HIVEP3: variants seen among roughly 807,000 people sequenced by gnomAD.
HIVEP3 encodes transcription factor HIVEP3.
In HIVEP3, 49 loss-of-function variants were observed where a neutral mutation model predicts 152.8. The ratio of observed to expected loss-of-function variants is 0.32; its 90% CI spans 0.26 to 0.41. The LOEUF is 0.41. Ranked by LOEUF, HIVEP3 falls within the 10% of genes least tolerant of loss-of-function variation. HIVEP3 has a pLI of 1.00. For missense variants in HIVEP3, 2,790 were observed against 3,103.3 expected (o/e 0.90, Z 2.40); for synonymous variants, 1,269 against 1,289.0 (o/e 0.98, Z 0.33).
intron 1 of HIVEP3, among the ~76,000 whole-genome samples, chr1:41,875,996 A>G (rs975864967): frequency 1.5e-4 from 23 of 152,180 alleles, no homozygotes; most frequent in African/African-American, 5.6e-4. Flanking sequence ...TACTCTAGTC[A>G]CATCTACAAA....
At chr1:41,880,177 A>C (rs1002261623) in intron 1 of HIVEP3, among the ~76,000 whole-genome samples, 1 of 152,100 alleles carries the variant, frequency 6.6e-6, no homozygotes, top group Non-Finnish European at 1.5e-5. Flanking sequence ...CTCCTACCTC[A>C]GCCTCTTGAG....
At chr1:41,777,768 G>T (rs1405785085) in intron 1 of HIVEP3, among the ~76,000 whole-genome samples, 5 of 152,228 alleles carry the variant, frequency 3.3e-5, no homozygotes, top group Non-Finnish European at 7.3e-5. Flanking sequence ...TTAGTATCAG[G>T]CGCTTTCCTA....
chr1:41,510,649 G>T lies in HIVEP3; in HGVS notation c.7023C>A (p.Pro2341=). ...RLESPRAPTN[P]EPSATPPLDR... ...CCAGCGGCGGGGTGGCAGAAGGCTC[G>T]GGGTTGGTCGGTGCACGCGGGGACT... The change falls in exon 9 of 9, where the codon CCC becomes CCA. Residue 2341 remains proline (P), a synonymous_variant. Transcript: ENST00000372583. 6.5e-7 allele frequency: 1 copy of T among 1,537,608 alleles called. No homozygotes were observed. The highest frequency in any genetic ancestry group is 8.8e-7 in the Non-Finnish European group (1 of 1,140,236).
intron 3 of HIVEP3, among the ~76,000 whole-genome samples, chr1:41,604,527 T>C (rs1644790581): frequency 6.6e-6 from 1 of 152,126 alleles, no homozygotes; most frequent in Non-Finnish European, 1.5e-5. Context: ...TCCTCCCTAG[T>C]GAATGGGATT....
At chr1:41,867,553 C>G (rs985739208) in intron 1 of HIVEP3, among the ~76,000 whole-genome samples, 1 of 152,138 alleles carries the variant, frequency 6.6e-6, no homozygotes, top group African/African-American at 2.4e-5. Flanking sequence ...TGTACTAGGC[C>G]GCAGGATGGC....
chr1:41,725,110 C>A (rs1463411777), intron 1 of HIVEP3, among the ~76,000 whole-genome samples: 1 of 152,248 alleles, frequency 6.6e-6, no homozygotes, highest in Non-Finnish European at 1.5e-5. Flanking sequence ...ATGAGAAAGG[C>A]AGAATTGAAA....
Position 41,824,417 on chromosome 1 carries a change from AGT to A in HIVEP3, c.-801+93994_-801+93995del, listed in dbSNP as rs531581365. ...TTGCAATTTAATAATAACCTAGTCT[AGT>A]CAGAAAGGTAATGCCTCCTTTTCAG... On this transcript the variant is annotated intron_variant, in intron 1 of 8. Transcript: ENST00000372583. 4.9e-4 allele frequency among the ~76,000 whole-genome samples: 74 copies of A among 152,244 alleles called. No individual in the cohort carries two copies. In the South Asian group the frequency reaches 0.015, roughly 30 times the overall value.
intron 2 of HIVEP3, among the ~76,000 whole-genome samples, chr1:41,644,990 G>A (rs984768609): frequency 2.0e-5 from 3 of 152,052 alleles, no homozygotes; most frequent in Admixed American, 2.0e-4. Context: ...CTGACGCATG[G>A]GTACCCAAAG....
At chr1:41,548,143 T>A (rs1297709920) in intron 5 of HIVEP3, among the ~76,000 whole-genome samples, 1 of 152,200 alleles carries the variant, frequency 6.6e-6, no homozygotes, top group East Asian at 1.9e-4. Context: ...AATGGCCTCA[T>A]GTGCAAAGCA....
intron 5 of HIVEP3, among the ~76,000 whole-genome samples, chr1:41,573,152 G>T (rs1188683854): frequency 6.6e-6 from 1 of 151,936 alleles, no homozygotes; most frequent in African/African-American, 2.4e-5. Context: ...TATTAAAAAA[G>T]AAAGAAAAAA....
At chr1:41,947,739 C>T (rs1276179802) in intron 1 of HIVEP3, among the ~76,000 whole-genome samples, 1 of 152,224 alleles carries the variant, frequency 6.6e-6, no homozygotes, top group African/African-American at 2.4e-5. Context: ...GACGAGCTTG[C>T]AACCCATGGC....
chr1:41,660,037 G>C (rs1280359115), intron 2 of HIVEP3, among the ~76,000 whole-genome samples: 1 of 152,190 alleles, frequency 6.6e-6, no homozygotes, highest in African/African-American at 2.4e-5. Context: ...CATGGGAGTG[G>C]GTGTGTGTAG....
chr1:41,911,076 T>C (rs1644789065), intron 1 of HIVEP3, among the ~76,000 whole-genome samples: 1 of 151,834 alleles, frequency 6.6e-6, no homozygotes, highest in Admixed American at 6.6e-5. Context: ...TGAGAAAAAA[T>C]AACACAAATA....
In HIVEP3 at chr1:41,711,009, G is replaced by A. The variant is rs138524015; in HGVS notation, c.-800-10014C>T. Among the ~76,000 whole-genome samples, 116 of 152,330 alleles carry A rather than the reference G, an allele frequency of 7.6e-4. 1 individual carries two copies. In the East Asian group the frequency reaches 0.02, roughly 27 times the overall value. ...GCTGAAGGTTGCTTGGCTGGTAAGC[G>A]GTAGTGCCTCGAAGATGTCCCTGAG... On this transcript the variant is annotated intron_variant, in intron 1 of 8. Transcript: ENST00000372583.
intron 1 of HIVEP3, among the ~76,000 whole-genome samples, chr1:42,019,646 G>A (rs1645542884): frequency 6.6e-6 from 1 of 151,580 alleles, no homozygotes; most frequent in African/African-American, 2.4e-5. Context: ...AGATTCTTTT[G>A]GGTTTTCTAT....
intron 2 of HIVEP3, among the ~76,000 whole-genome samples, chr1:41,660,157 G>T (rs1203371460): frequency 2.6e-5 from 4 of 152,134 alleles, no homozygotes; most frequent in African/African-American, 9.7e-5. Context: ...GTACAAGTGG[G>T]TGTTTGAGTG....
rs185242932 is a variant in HIVEP3 at position 41,591,753 on chromosome 1, A to T, written c.-521-6435T>A. ...CGGCTCTGTCTTGTCAGTGTCCTGA[A>T]TTCTAGCCTCGATTACTGCCAAATA... is the stretch of plus-strand genomic sequence containing the variant. On this transcript the variant is annotated intron_variant, in intron 3 of 8. Coordinates refer to ENST00000372583, the MANE Select transcript of HIVEP3 (RefSeq NM_024503.5). Among the ~76,000 whole-genome samples, 37 of 152,120 alleles carry T rather than the reference A, an allele frequency of 2.4e-4. No homozygotes were observed. The East Asian group carries it at 5.4e-3, about 22-fold the overall frequency.
chr1:41,698,741 C>T (rs886776687), intron 2 of HIVEP3, among the ~76,000 whole-genome samples: 2 of 152,130 alleles, frequency 1.3e-5, no homozygotes, highest in Non-Finnish European at 1.5e-5. Context: ...GGTGCCAGTG[C>T]TCCTGGCCCC....
chr1:41,938,632 C>T (rs1416981921), intron 1 of HIVEP3, among the ~76,000 whole-genome samples: 1 of 152,184 alleles, frequency 6.6e-6, no homozygotes, highest in Admixed American at 6.5e-5. Context: ...CTGCCTGGAC[C>T]TTCCTCCAGG....
Sources: gnomAD v4.1 joint callset for allele counts (sites outside exome capture counted in the v4.1 genomes callset) on GRCh38, gnomAD v4.1.1 for gene constraint, MANE v1.5 for transcripts, NCBI Gene and HGNC (gene_info 2026-07-23, HGNC 2026-07-21) for gene names.